Variants in EPHB6 observed in about 807,000 individuals in gnomAD.
EPHB6 encodes ephrin type-B receptor 6.
In EPHB6, 51 loss-of-function variants were observed where a neutral mutation model predicts 107.0. The ratio of observed to expected loss-of-function variants is 0.48; its 90% CI spans 0.38 to 0.60. EPHB6 has a LOEUF of 0.60. Among genes scored for constraint, EPHB6 ranks in the 20% least tolerant of loss-of-function variants. The pLI is 0.00. For synonymous variants in EPHB6, 553 were observed against 549.0 expected (o/e 1.01, Z -0.10); for missense variants, 1,141 against 1,355.5 (o/e 0.84, Z 2.48).
Position 142,868,685 on chromosome 7 carries a change from C to A in EPHB6, c.2232C>A (p.Pro744=). The A allele has an allele frequency of 1.2e-6, 2 of 1,613,978 alleles. No individual in the cohort carries two copies. The highest frequency in any genetic ancestry group is 1.1e-5 in the South Asian group (1 of 91,084). The part of the protein sequence containing the change: ...RLEGVVTKSR[P]LMVLTEFMEL... ...AGGGCGTGGTCACCAAGAGCCGACC[C>A]CTCATGGTGCTGACGGAGTTCATGG... Residue 744 remains proline, a synonymous_variant, in exon 15 of 20, where the codon CCC becomes CCA. Coordinates refer to ENST00000652003, the MANE Select transcript of EPHB6 (RefSeq NM_004445.6). This position sits in a 1 kb window ranked among gnomAD's most constrained non-coding sequence, Gnocchi z 4.2.
Position 142,867,953 on chromosome 7 carries a change from G to T in EPHB6, c.1866-44G>T, listed in dbSNP as rs768669594. On this transcript the variant is annotated intron_variant, in intron 12 of 19. Transcript: ENST00000652003. This position sits in a 1 kb window ranked among gnomAD's most constrained non-coding sequence, Gnocchi z 5.3. ...AGGGTGACAAGGGGGCAGCAAGGGG[G>T]TGGAAATGGGAGCGTCATCCCCAGT... is the stretch of plus-strand genomic sequence containing the variant. The T allele has an allele frequency of 1.9e-6, 3 of 1,552,730 alleles. No individual in the cohort carries two copies. Among genetic ancestry groups the T allele is most frequent in the Non-Finnish European group, 2.6e-6 (3 of 1,148,638 alleles).
rs766010469 is a variant in EPHB6, at chr7:142,870,784, C to A, written c.2961-12C>A. On this transcript the variant is annotated splice_polypyrimidine_tract_variant and intron_variant, in intron 19 of 19. Coordinates refer to ENST00000652003, the MANE Select transcript of EPHB6 (RefSeq NM_004445.6). Reference sequence around the variant, plus strand: ...AAGCTGGCCCAGATTTGATCCCTTCCCTCCCCACCAGAGACCTGCCTGCCC... The same window carrying A: ...AAGCTGGCCCAGATTTGATCCCTTCACTCCCCACCAGAGACCTGCCTGCCC... 6.2e-7 allele frequency: 1 copy of A among 1,614,136 alleles called. No individual in the cohort carries two copies. The highest frequency in any genetic ancestry group is 1.3e-5 in the African/African-American group (1 of 75,034).
Position 142,868,681 on chromosome 7 carries a change from G to C in EPHB6, c.2228G>C (p.Arg743Pro). The change falls in exon 15 of 20, where the codon CGA (arginine) becomes CCA (proline). Residue 743 changes from arginine to proline, a missense_variant. By Grantham distance (103) the Arg-to-Pro change is moderately radical. Around this residue, in one of 3 missense-constraint regions of EPHB6, gnomAD observed 616 missense variants for 759.3 expected, o/e 0.81. Coordinates refer to ENST00000652003, the MANE Select transcript of EPHB6 (RefSeq NM_004445.6). This position sits in a 1 kb window ranked among gnomAD's most constrained non-coding sequence, Gnocchi z 4.2. ...CTGGAGGGCGTGGTCACCAAGAGCC[G>C]ACCCCTCATGGTGCTGACGGAGTTC... ...LRLEGVVTKSRPLMVLTEFME... is the reference protein window; with the variant it reads ...LRLEGVVTKSPPLMVLTEFME... The C allele has an allele frequency of 6.2e-7, 1 of 1,613,932 alleles. No individual in the cohort carries two copies. The highest frequency in any genetic ancestry group is 8.5e-7 in the Non-Finnish European group (1 of 1,180,012).
chr7:142,870,839 A>C lies in EPHB6; in HGVS notation c.3004A>C (p.Lys1002Gln), dbSNP rs376662890. 2.0e-5 allele frequency: 32 copies of C among 1,614,114 alleles called. No individual in the cohort carries two copies. Among genetic ancestry groups the C allele is most frequent in the Middle Eastern group, 1.6e-4 (1 of 6,062 alleles). Reference protein sequence around the residue: ...LGITLAGHQKKLLHHIQLLQQ... With the variant: ...LGITLAGHQKQLLHHIQLLQQ... ...CATCACCCTGGCTGGCCACCAGAAGAAGCTGCTGCACCACATCCAGCTCCT... is the reference window on the plus strand; with the variant it reads ...CATCACCCTGGCTGGCCACCAGAAGCAGCTGCTGCACCACATCCAGCTCCT... The change falls in exon 20 of 20, where the codon AAG becomes CAG. Residue 1002 changes from lysine (K) to glutamine (Q), a missense_variant. This residue lies in a region of EPHB6 where 616 missense variants were observed against 759.3 expected (regional missense o/e 0.81). Transcript: ENST00000652003.
Position 142,857,738 on chromosome 7 carries a change from C to T in EPHB6, c.-432+2353C>T, listed in dbSNP as rs911390226. 1.3e-5 allele frequency among the ~76,000 whole-genome samples: 2 copies of T among 152,230 alleles called. 1 individual carries two copies. Among genetic ancestry groups the T allele is most frequent in the South Asian group, 4.1e-4 (2 of 4,838 alleles). On this transcript the variant is annotated intron_variant, in intron 1 of 19. Transcript: ENST00000652003. ...ACTATGTGTTCCCAGTGGACAGTCCCCTGGGTTCCCCTCTGTCCCTTCATA... is the reference window on the plus strand; with the variant it reads ...ACTATGTGTTCCCAGTGGACAGTCCTCTGGGTTCCCCTCTGTCCCTTCATA...
intron 1 of EPHB6, among the ~76,000 whole-genome samples, chr7:142,857,702 C>A (rs1802668038): frequency 6.6e-6 from 1 of 152,210 alleles, no homozygotes; most frequent in African/African-American, 2.4e-5. Flanking sequence ...CGGTTTGGGG[C>A]CATGCCCTTT....
At chr7:142,863,073 A>ATT in intron 4 of EPHB6, 54 bp from the exon 5 acceptor site, 1 of 647,100 alleles carries the variant, frequency 1.5e-6, no homozygotes, top group Non-Finnish European at 2.7e-6. Flanking sequence ...TGGGCTGTAT[A>ATT]TGAAGAAACA....
At position 142,868,115 on chromosome 7, in the gene EPHB6, G is replaced by C; in HGVS notation, c.1918+66G>C. ...ATGGGTGGGGCACATGGCAGGCAAG[G>C]CTGGATCCCCCCAAGATTGGGGGAG... is the stretch of plus-strand genomic sequence containing the variant. On this transcript the variant is annotated intron_variant, in intron 13 of 19. Transcript: ENST00000652003. This position sits in a 1 kb window ranked among gnomAD's most constrained non-coding sequence, Gnocchi z 4.2. 1 of 1,613,778 alleles carries C rather than the reference G, an allele frequency of 6.2e-7. No individual in the cohort carries two copies. The highest frequency in any genetic ancestry group is 8.5e-7 in the Non-Finnish European group (1 of 1,179,772).
In EPHB6 at chr7:142,870,107, A is replaced by G. The variant is rs561439830; in HGVS notation, c.2611-107A>G. ...TGCCATATCTTTGAGTTCCTTCTCC[A>G]CTCCAACCTCATGCTCCACCAGATT... On this transcript the variant is annotated intron_variant, in intron 17 of 19. Coordinates refer to ENST00000652003, the MANE Select transcript of EPHB6 (RefSeq NM_004445.6). The G allele has an allele frequency of 1.3e-5, 20 of 1,581,210 alleles. No individual in the cohort carries two copies. The Admixed American group carries it at 2.5e-4, about 20-fold the overall frequency.
At chr7:142,865,688 G>T in intron 8 of EPHB6, 58 bp downstream of exon 8, 1 of 1,595,154 alleles carries the variant, frequency 6.3e-7, no homozygotes. Flanking sequence ...GCCAGAAGTG[G>T]GGGTAGCAGG....
chr7:142,871,046 C>G lies in EPHB6; in HGVS notation c.*142C>G. On this transcript the variant is annotated 3_prime_UTR_variant, in exon 20 of 20. Transcript: ENST00000652003. ...GATGGCTGCATTCCCTGGTCCTCCG[C>G]CTCTCCACCAGCCCCCTCCTCATTA... 2.5e-6 allele frequency: 2 copies of G among 801,114 alleles called. No individual in the cohort carries two copies. The highest frequency in any genetic ancestry group is 4.2e-6 in the Non-Finnish European group (2 of 479,402). 49.6% of individuals were successfully genotyped at this position (801,114 alleles called of 1,614,324 possible).
At position 142,868,127 on chromosome 7, in the gene EPHB6, C is replaced by A. The variant is rs755177079; in HGVS notation, c.1918+78C>A. 9.3e-6 allele frequency: 15 copies of A among 1,613,232 alleles called. No individual in the cohort carries two copies. The South Asian group carries it at 1.6e-4, about 18-fold the overall frequency. ...CATGGCAGGCAAGGCTGGATCCCCC[C>A]AAGATTGGGGGAGCTCCTTGGCACA... On this transcript the variant is annotated intron_variant, in intron 13 of 19. Transcript: ENST00000652003. This position sits in a 1 kb window ranked among gnomAD's most constrained non-coding sequence, Gnocchi z 4.2.
intron 4 of EPHB6, 132 bp from the exon 5 acceptor site, chr7:142,862,995 A>G (rs761600040): frequency 4.0e-5 from 23 of 571,628 alleles, no homozygotes; most frequent in Non-Finnish European, 7.2e-5. Context: ...CTTCTGTCCC[A>G]TGGTGGGTGC....
At position 142,868,592 on chromosome 7, in the gene EPHB6, G is replaced by T; in HGVS notation, c.2139G>T (p.Leu713=). 2 of 1,613,564 alleles carry T rather than the reference G, an allele frequency of 1.2e-6. No individual in the cohort carries two copies. The highest frequency in any genetic ancestry group is 1.7e-6 in the Non-Finnish European group (2 of 1,179,950). ...QALWAGGAES[L]QMTFLGRAAV... ...TGTGGGCCGGGGGCGCCGAAAGCCT[G>T]CAGATGACCTTCCTGGGCCGGGCCG... Residue 713 remains leucine, a synonymous_variant, in exon 15 of 20, where the codon CTG becomes CTT. Transcript: ENST00000652003. The surrounding 1 kb of genome is among the most constrained non-coding windows in gnomAD (Gnocchi z 4.2).
At chr7:142,863,521 A>C in intron 5 of EPHB6, 110 bp from the exon 6 acceptor site, 1 of 1,391,398 alleles carries the variant, frequency 7.2e-7, no homozygotes, top group East Asian at 2.3e-5. Context: ...CCTGCTGGCA[A>C]AGACATGGGC....
intron 7 of EPHB6, among the ~76,000 whole-genome samples, chr7:142,865,009 T>C (rs1422929962): frequency 6.6e-6 from 1 of 152,214 alleles, no homozygotes; most frequent in East Asian, 1.9e-4. Context: ...TGAGAAGCGA[T>C]GGAGACCAAA....
At chr7:142,865,831 TACCCCC>T in intron 8 of EPHB6, 123 bp from the exon 9 acceptor site, 1 of 1,125,996 alleles carries the variant, frequency 8.9e-7, no homozygotes, top group Non-Finnish European at 1.3e-6. Flanking sequence ...CTCTCTGGGC[TACCCCC>T]ACCCCACGCT....
In EPHB6 at chr7:142,863,638, G is replaced by T. The variant is rs753392889; in HGVS notation, c.108G>T (p.Leu36Phe). 2.5e-6 allele frequency: 4 copies of T among 1,613,780 alleles called. No individual in the cohort carries two copies. Among genetic ancestry groups the T allele is most frequent in the Non-Finnish European group, 3.4e-6 (4 of 1,180,010 alleles). Reference sequence around the variant, plus strand: ...CCTCTTATTTCTGGGCAGAGGTATTGCTGGACACCACCGGAGAGACATCTG... The same window carrying T: ...CCTCTTATTTCTGGGCAGAGGTATTTCTGGACACCACCGGAGAGACATCTG... ...VSSVLALEEV[L>F]LDTTGETSEI... Residue 36 changes from leucine (L) to phenylalanine (F), a missense_variant, in exon 6 of 20, where the codon TTG becomes TTT. Leu to Phe is a conservative substitution (Grantham distance 22). This residue lies in a region of EPHB6 where 221 missense variants were observed against 300.5 expected (regional missense o/e 0.74). Transcript: ENST00000652003.
At chr7:142,856,682 C>G (rs1029656494) in intron 1 of EPHB6, among the ~76,000 whole-genome samples, 3 of 152,114 alleles carry the variant, frequency 2.0e-5, no homozygotes, top group Non-Finnish European at 4.4e-5. Context: ...CTCCCCGCCC[C>G]CCACTTGGCT....
Sources: allele counts gnomAD v4.1 joint callset (sites outside exome capture counted in the v4.1 genomes callset), GRCh38; gene constraint gnomAD v4.1.1; regional missense constraint gnomAD v4.1.1; non-coding constraint Gnocchi (gnomAD v3.1); transcripts MANE v1.5; gene names NCBI Gene and HGNC (gene_info 2026-07-23, HGNC 2026-07-21).